The following SCRN1 variants were observed in gnomAD, a reference collection of about 807,000 sequenced individuals.
The protein encoded by SCRN1 is secernin-1.
In SCRN1, 19 loss-of-function variants were observed where a neutral mutation model predicts 43.3. The observed-to-expected ratio is 0.44, with a 90% CI of 0.31 to 0.64. SCRN1 has a LOEUF of 0.64. Ranked by LOEUF, SCRN1 falls within the 30% of genes least tolerant of loss-of-function variation. The pLI is 0.09. For synonymous variants in SCRN1, 183 were observed against 188.9 expected, an observed-to-expected ratio of 0.97 and a Z score of 0.26; for missense variants, 447 against 524.1, an observed-to-expected ratio of 0.85 and a Z score of 1.44.
At position 29,940,822 on chromosome 7, in the gene SCRN1, T is replaced by C. The variant is rs1444093547; in HGVS notation, c.599A>G (p.Glu200Gly). ...AGCGTAACTCCTGAGTTCCGGATGC[T>C]CTGCATCCATCTTAGTGGTGAGCGA... ...QLSLTTKMDA[E>G]HPELRSYAQS... is the part of the protein sequence containing the mutation. Residue 200 changes from glutamate (E) to glycine (G), a missense_variant, in exon 5 of 8, where the codon GAG (glutamate) becomes GGG (glycine). Glu to Gly is a moderately conservative substitution (Grantham distance 98, BLOSUM62 -2). Transcript: ENST00000242059. 1.2e-5 allele frequency: 19 copies of C among 1,600,248 alleles called. No homozygotes were observed. The highest frequency in any genetic ancestry group is 1.6e-5 in the Non-Finnish European group (19 of 1,176,162).
intron 4 of SCRN1, among the ~76,000 whole-genome samples, chr7:29,941,404 T>TA (rs926344319): frequency 4.5e-4 from 69 of 152,190 alleles, no homozygotes; most frequent in African/African-American, 1.6e-3. Flanking sequence ...TGGTTTTTTT[T>TA]AAAAAATACA....
intron 2 of SCRN1, among the ~76,000 whole-genome samples, chr7:29,959,018 A>G (rs749385400): frequency 6.6e-6 from 1 of 152,232 alleles, no homozygotes; most frequent in Non-Finnish European, 1.5e-5. Context: ...CCACAGAGCA[A>G]GCCCTTCATT....
At chr7:29,964,235 T>C (rs938724321) in intron 2 of SCRN1, among the ~76,000 whole-genome samples, 1 of 152,208 alleles carries the variant, frequency 6.6e-6, no homozygotes, top group South Asian at 2.1e-4. Context: ...AGCAGCTATG[T>C]TCATAACTGC....
intron 5 of SCRN1, among the ~76,000 whole-genome samples, chr7:29,938,292 A>G (rs1787409452): frequency 6.6e-6 from 1 of 152,206 alleles, no homozygotes; most frequent in African/African-American, 2.4e-5. Flanking sequence ...TGGGCCTCCC[A>G]AAGTGCTGGG....
At chr7:29,959,370 A>C (rs1788234205) in intron 2 of SCRN1, among the ~76,000 whole-genome samples, 1 of 152,096 alleles carries the variant, frequency 6.6e-6, no homozygotes, top group African/African-American at 2.4e-5. Flanking sequence ...AAGAAGCATT[A>C]ATAACTATCA....
chr7:29,928,961 A>T (rs1787068749), intron 6 of SCRN1, among the ~76,000 whole-genome samples: 1 of 152,200 alleles, frequency 6.6e-6, no homozygotes, highest in Non-Finnish European at 1.5e-5. Context: ...GCAATGGAGC[A>T]GTGGGGAGGA....
chr7:29,963,041 C>CT (rs1477171470), intron 2 of SCRN1, among the ~76,000 whole-genome samples: 2 of 148,836 alleles, frequency 1.3e-5, no homozygotes, highest in Non-Finnish European at 3.0e-5. Flanking sequence ...TTAGTCAATT[C>CT]TTTAAAAAAA....
chr7:29,968,913 A>G lies in SCRN1; in HGVS notation c.155T>C (p.Val52Ala). 1 of 1,614,170 alleles carries G rather than the reference A, an allele frequency of 6.2e-7. No individual in the cohort carries two copies. Among genetic ancestry groups the G allele is most frequent in the Non-Finnish European group, 8.5e-7 (1 of 1,180,032 alleles). ...AGACTGCAATGCACGGCTTACCTCA[A>G]CCTTGCTCTCCGGTTCGTGATCAGC... ...SAADHEPESK[V>A]ECTYISIDQV... The change falls in exon 2 of 8, where the codon GTT becomes GCT. Residue 52 changes from valine (V) to alanine (A), a missense_variant. Transcript: ENST00000242059.
At position 29,984,808 on chromosome 7, in the gene SCRN1, C is replaced by T. The variant is rs1318647593; in HGVS notation, c.-2+4834G>A. Among the ~76,000 whole-genome samples the T allele has an allele frequency of 1.4e-5, 2 of 143,758 alleles. 1 individual carries two copies. Among genetic ancestry groups the T allele is most frequent in the African/African-American group, 5.3e-5 (2 of 37,856 alleles). The allele number at this position is 143,758 out of a possible 152,430, so 94.3% of individuals were successfully genotyped here. On this transcript the variant is annotated intron_variant, in intron 1 of 7. Coordinates refer to ENST00000242059, the MANE Select transcript of SCRN1 (RefSeq NM_014766.5). ...TGGTGGCAGACGCCTGTAATCCCAG[C>T]TGCTCAGAAGGTTGGGACAGGAGAA...
At chr7:29,945,748 A>C (rs1270273115) in intron 3 of SCRN1, among the ~76,000 whole-genome samples, 1 of 152,224 alleles carries the variant, frequency 6.6e-6, no homozygotes, top group East Asian at 1.9e-4. Context: ...TCTCATCTGC[A>C]GATTGAAAAC....
At chr7:29,954,232 A>AG (rs1201388188) in intron 3 of SCRN1, among the ~76,000 whole-genome samples, 1 of 152,028 alleles carries the variant, frequency 6.6e-6, no homozygotes, top group Non-Finnish European at 1.5e-5. Context: ...TGGCTGGGAG[A>AG]GGGGAAAAAG....
At position 29,923,663 on chromosome 7, in the gene SCRN1, A is replaced by T. The variant is rs1004323074; in HGVS notation, c.*294T>A. On this transcript the variant is annotated 3_prime_UTR_variant, in exon 8 of 8. Coordinates refer to ENST00000242059, the MANE Select transcript of SCRN1 (RefSeq NM_014766.5). The stretch of plus-strand genomic sequence containing the variant: ...ACTCTAGTCCTCTTGTAAAAGGCTA[A>T]TGTGTCCATTGCCACTGAAATACAA... 2 of 263,188 alleles carry T rather than the reference A, an allele frequency of 7.6e-6. No individual in the cohort carries two copies. The highest frequency in any genetic ancestry group is 1.5e-5 in the Non-Finnish European group (2 of 137,928). The allele number at this position is 263,188 out of a possible 1,614,324, so 16.3% of individuals were successfully genotyped here.
chr7:29,937,027 C>T (rs1787362152), intron 5 of SCRN1, among the ~76,000 whole-genome samples: 4 of 152,108 alleles, frequency 2.6e-5, no homozygotes, highest in Admixed American at 2.6e-4. Flanking sequence ...GCCTGGGCGA[C>T]AGAGCGAGAC....
chr7:29,953,204 A>G (rs1788015544), intron 3 of SCRN1, among the ~76,000 whole-genome samples: 1 of 152,220 alleles, frequency 6.6e-6, no homozygotes, highest in South Asian at 2.1e-4. Flanking sequence ...GATCACTTTG[A>G]GTTACCTCTC....
rs1034419868 is a variant in SCRN1, at chr7:29,950,553, G to A, written c.341+4626C>T. Among the ~76,000 whole-genome samples, 11 of 152,352 alleles carry A rather than the reference G, an allele frequency of 7.2e-5. No homozygotes were observed. The highest frequency in any genetic ancestry group is 1.9e-4 in the East Asian group (1 of 5,180). On this transcript the variant is annotated intron_variant, in intron 3 of 7. Coordinates refer to ENST00000242059, the MANE Select transcript of SCRN1 (RefSeq NM_014766.5). This position sits in a 1 kb window ranked among gnomAD's most constrained non-coding sequence, Gnocchi z 4.5. ...GGAGGCTGGTCTGCTAGTTCCGGGT[G>A]GAGTACGCAGCCCAGAGTGAGAACT... is the stretch of plus-strand genomic sequence containing the variant.
chr7:29,968,687 T>G, intron 2 of SCRN1, among the ~76,000 whole-genome samples: 1 of 152,182 alleles, frequency 6.6e-6, no homozygotes, highest in Admixed American at 6.5e-5. Flanking sequence ...TATGTACATA[T>G]TTCACTTAAT....
intron 7 of SCRN1, 84 bp from the exon 8 acceptor site, chr7:29,924,199 C>T: frequency 2.1e-6 from 3 of 1,404,346 alleles, no homozygotes; most frequent in Non-Finnish European, 2.9e-6. Context: ...AGGGGGCCAG[C>T]TGGCTTCCTG....
intron 3 of SCRN1, chr7:29,947,287 C>T (rs568218808): frequency 6.4e-7 from 1 of 1,550,822 alleles, no homozygotes; most frequent in Non-Finnish European, 8.7e-7. Context: ...GTATGTCAAG[C>T]TCACCCTGCC....
At chr7:29,986,368 T>C (rs1789152017) in intron 1 of SCRN1, among the ~76,000 whole-genome samples, 1 of 152,208 alleles carries the variant, frequency 6.6e-6, no homozygotes, top group Non-Finnish European at 1.5e-5. Context: ...AACATGTTAC[T>C]TCAATATAAA....
Sources: allele counts gnomAD v4.1 joint callset (sites outside exome capture counted in the v4.1 genomes callset), GRCh38; gene constraint gnomAD v4.1.1; non-coding constraint Gnocchi (gnomAD v3.1); transcripts MANE v1.5; gene names NCBI Gene and HGNC (gene_info 2026-07-23, HGNC 2026-07-21).